TNK2: variants seen among roughly 807,000 people sequenced by gnomAD.
TNK2 encodes tyrosine kinase non receptor 2, also known as activated CDC42 kinase 1.
A neutral mutation model predicts 101.8 loss-of-function variants in TNK2; 83 were observed. The ratio of observed to expected loss-of-function variants is 0.82; its 90% CI spans 0.68 to 0.98. The LOEUF is 0.98. TNK2 is among the 50% of genes least tolerant of loss of function. The pLI is 0.00. For missense variants in TNK2, 1,665 were observed against 1,483.2 expected, an observed-to-expected ratio of 1.12 and a Z score of -2.01; for synonymous variants, 804 against 633.0, an observed-to-expected ratio of 1.27 and a Z score of -4.06.
rs1300770750 is a variant in TNK2, at chr3:195,878,514, C to A, written c.1093G>T (p.Val365Phe). 1 of 1,613,884 alleles carries A rather than the reference C, an allele frequency of 6.2e-7. No individual in the cohort carries two copies. Among genetic ancestry groups the A allele is most frequent in the Non-Finnish European group, 8.5e-7 (1 of 1,180,044 alleles). The change falls in exon 8 of 16, where the codon GTC becomes TTC. Residue 365 changes from valine (V) to phenylalanine (F), a missense_variant. Physicochemically the swap from Val to Phe is conservative, Grantham distance 50. Transcript: ENST00000672887. This position sits in a 1 kb window ranked among gnomAD's most constrained non-coding sequence, Gnocchi z 4.7. ...DCPQDIYNVM[V>F]QCWAHKPEDR... ...TCTGGCTTGTGAGCCCAGCACTGGA[C>A]CATGACGTTGTAGATGTCCTGGGGA... is the stretch of plus-strand genomic sequence containing the variant.
In TNK2 at chr3:195,868,051, G is replaced by T; in HGVS notation, c.2247C>A (p.Asp749Glu). 1 of 1,598,744 alleles carries T rather than the reference G, an allele frequency of 6.3e-7. No individual in the cohort carries two copies. The change falls in exon 13 of 16, where the codon GAC (aspartate) becomes GAA (glutamate). Residue 749 changes from aspartate (D) to glutamate (E), a missense_variant. By Grantham distance (45) the Asp-to-Glu change is conservative (BLOSUM62 2). Transcript: ENST00000672887. ...SPAPSPSPGG[D>E]DKPQVPPRVP... is the part of the protein sequence containing the mutation. Reference sequence around the variant, plus strand: ...CCCGAGGAGGCACCTGGGGCTTGTCGTCACCCCCCGGGCTGGGAGAGGGGG... The same window carrying T: ...CCCGAGGAGGCACCTGGGGCTTGTCTTCACCCCCCGGGCTGGGAGAGGGGG...
chr3:195,866,982 C>T lies in TNK2; in HGVS notation c.3068G>A (p.Arg1023Lys). The T allele has an allele frequency of 6.2e-7, 1 of 1,613,176 alleles. No individual in the cohort carries two copies. The highest frequency in any genetic ancestry group is 1.3e-5 in the African/African-American group (1 of 75,050). Residue 1023 changes from arginine to lysine, a missense_variant, in exon 15 of 16, where the codon AGA becomes AAA. Physicochemically the swap from Arg to Lys is conservative, Grantham distance 26 (BLOSUM62 2). This residue lies in a region of TNK2 where 1,136 missense variants were observed against 894.9 expected (regional missense o/e 1.27). Transcript: ENST00000672887. ...CTCCAGCACTTTGTGGCACTCCCCT[C>T]TGGGCCGCAGACCCAGCCCGAAGAG... is the stretch of plus-strand genomic sequence containing the variant. ...EQLFGLGLRPRGECHKVLEMF... is the reference protein window; with the variant it reads ...EQLFGLGLRPKGECHKVLEMF...
Position 195,885,109 on chromosome 3 carries a change from C to T in TNK2, c.235-76G>A. 2 of 1,410,342 alleles carry T rather than the reference C, an allele frequency of 1.4e-6. No individual in the cohort carries two copies. The highest frequency in any genetic ancestry group is 1.9e-6 in the Non-Finnish European group (2 of 1,045,862). The allele number at this position is 1,410,342 out of a possible 1,614,324, so 87.4% of individuals were successfully genotyped here. On this transcript the variant is annotated intron_variant, in intron 3 of 15. Coordinates refer to ENST00000672887, the MANE Select transcript of TNK2 (RefSeq NM_001382273.1). This position sits in a 1 kb window ranked among gnomAD's most constrained non-coding sequence, Gnocchi z 4.7. ...TCACTCAGTCCCACCCCGCTGGGTC[C>T]ACCTGGTGATCCCCGGCTTCGGCTT...
At chr3:195,871,788 T>TA in intron 10 of TNK2, among the ~76,000 whole-genome samples, 1 of 152,340 alleles carries the variant, frequency 6.6e-6, no homozygotes. Flanking sequence ...AGAGTGCATT[T>TA]ACAGCCTTCC....
intron 11 of TNK2, 65 bp downstream of exon 11, chr3:195,870,049 G>A (rs1026733957): frequency 2.4e-6 from 3 of 1,261,676 alleles, no homozygotes; most frequent in Admixed American, 5.9e-5. Flanking sequence ...GGTGGCCTGT[G>A]AAGACAGTGC....
At chr3:195,902,608 A>AC (rs1761316219) in intron 1 of TNK2, among the ~76,000 whole-genome samples, 1 of 136,442 alleles carries the variant, frequency 7.3e-6, no homozygotes, top group Admixed American at 7.7e-5. Flanking sequence ...ACAGAGCAAG[A>AC]CTCCGTCTCA....
Position 195,868,115 on chromosome 3 carries a change from T to G in TNK2, c.2183A>C (p.Glu728Ala). ...TAEIFQALQQ[E>A]CMRQLQAPAG... ...CGGAGCCTGCAGTTGCCTCATGCAC[T>G]CCTGCTGTAGCGCCTGGAAGATCTC... is the stretch of plus-strand genomic sequence containing the variant. Residue 728 changes from glutamate to alanine, a missense_variant, in exon 13 of 16, where the codon GAG becomes GCG. Glu to Ala is a moderately radical substitution (Grantham distance 107, BLOSUM62 -1). Around this residue, in one of 3 missense-constraint regions of TNK2, gnomAD observed 1,136 missense variants for 894.9 expected, o/e 1.27. Transcript: ENST00000672887. The G allele has an allele frequency of 6.2e-7, 1 of 1,611,500 alleles. No homozygotes were observed. Among genetic ancestry groups the G allele is most frequent in the Non-Finnish European group, 8.5e-7 (1 of 1,179,454 alleles).
At chr3:195,905,939 G>A (rs542771532) in intron 1 of TNK2, among the ~76,000 whole-genome samples, 8 of 152,162 alleles carry the variant, frequency 5.3e-5, no homozygotes, top group Admixed American at 2.0e-4. Flanking sequence ...CTGATAAAAG[G>A]CTTATATCCA....
chr3:195,892,028 G>A (rs1327748053), intron 1 of TNK2: 3 of 1,033,158 alleles, frequency 2.9e-6, no homozygotes, highest in Non-Finnish European at 3.5e-6. Context: ...AAGCGGTCAG[G>A]GTCTCAGTCC....
rs749781435 is a variant in TNK2 at position 195,883,317 on chromosome 3, G to C, written c.457-8C>G. 172 of 1,612,578 alleles carry C rather than the reference G, an allele frequency of 1.1e-4. No individual in the cohort carries two copies. Among genetic ancestry groups the C allele is most frequent in the Non-Finnish European group, 1.4e-4 (166 of 1,179,938 alleles). On this transcript the variant is annotated splice_region_variant and splice_polypyrimidine_tract_variant and intron_variant, in intron 4 of 15. Coordinates refer to ENST00000672887, the MANE Select transcript of TNK2 (RefSeq NM_001382273.1). The stretch of plus-strand genomic sequence containing the variant: ...CTTCACAGCCACACTCACCTGCCCA[G>C]AGCGGGATTTGCAAGGACTCAGGAC...
intron 12 of TNK2, 120 bp from the exon 13 acceptor site, chr3:195,868,829 C>T (rs1742747536): frequency 7.9e-7 from 1 of 1,261,692 alleles, no homozygotes; most frequent in Non-Finnish European, 1.1e-6. Context: ...TCCCAACTCC[C>T]CCCGAGGTCT....
intron 10 of TNK2, among the ~76,000 whole-genome samples, chr3:195,870,571 TCCCAGCTATGGTG>T (rs1308489239): frequency 6.6e-6 from 1 of 152,212 alleles, no homozygotes; most frequent in Non-Finnish European, 1.5e-5. Flanking sequence ...GAACGGGGCA[TCCCAGCTATGGTG>T]CCCAGCCAGG....
At chr3:195,889,505 C>A (rs75861841) in intron 1 of TNK2, among the ~76,000 whole-genome samples, 1 of 151,870 alleles carries the variant, frequency 6.6e-6, no homozygotes, top group Admixed American at 6.6e-5. Context: ...GCTTCAGACT[C>A]TGTTGTCCCT....
chr3:195,883,575 A>G, intron 4 of TNK2: 1 of 447,060 alleles, frequency 2.2e-6, no homozygotes, highest in Non-Finnish European at 4.1e-6. Context: ...CCAAAAAGTA[A>G]GAGATAACCA....
At chr3:195,864,905 TAAG>T (rs1485932389) in intron 15 of TNK2, among the ~76,000 whole-genome samples, 2 of 123,924 alleles carry the variant, frequency 1.6e-5, no homozygotes, top group African/African-American at 3.1e-5. Flanking sequence ...TGCAAATCAG[TAAG>T]AACCACCCGA....
At chr3:195,881,924 C>T in intron 6 of TNK2, 127 bp downstream of exon 6, 1 of 1,182,150 alleles carries the variant, frequency 8.5e-7, no homozygotes, top group South Asian at 1.6e-5. Context: ...AGGAGGGCAC[C>T]CCAGGCTTAG....
chr3:195,885,805 A>C lies in TNK2; in HGVS notation c.235-772T>G, dbSNP rs993792937. On this transcript the variant is annotated intron_variant, in intron 3 of 15. Transcript: ENST00000672887. The surrounding 1 kb of genome is among the most constrained non-coding windows in gnomAD (Gnocchi z 4.7). The stretch of plus-strand genomic sequence containing the variant: ...GCCACGTCGGTCTGACTCGGCCTCC[A>C]CTGAGGCACCCACAGCCTTGGCTCC... The C allele has an allele frequency of 1.2e-5, 4 of 341,846 alleles. No individual in the cohort carries two copies. Among genetic ancestry groups the C allele is most frequent in the African/African-American group, 8.6e-5 (4 of 46,298 alleles). 21.2% of individuals were successfully genotyped at this position (341,846 alleles called of 1,614,324 possible).
intron 2 of TNK2, 101 bp from the exon 3 acceptor site, chr3:195,887,148 G>A (rs1309081937): frequency 2.7e-5 from 31 of 1,163,332 alleles, no homozygotes; most frequent in African/African-American, 4.6e-5. Flanking sequence ...ACTAGACACC[G>A]CCCACCCGAT....
Position 195,868,514 on chromosome 3 carries a change from G to C in TNK2, c.1784C>G (p.Pro595Arg). 1 of 1,557,036 alleles carries C rather than the reference G, an allele frequency of 6.4e-7. No individual in the cohort carries two copies. Among genetic ancestry groups the C allele is most frequent in the Non-Finnish European group, 8.6e-7 (1 of 1,160,486 alleles). Residue 595 changes from proline to arginine, a missense_variant, in exon 13 of 16, where the codon CCG becomes CGG. Pro to Arg is a moderately radical substitution (Grantham distance 103, BLOSUM62 -2). Around this residue, in one of 3 missense-constraint regions of TNK2, gnomAD observed 1,136 missense variants for 894.9 expected, o/e 1.27. Transcript: ENST00000672887. The part of the protein sequence containing the change: ...LIDFGEEPVV[P>R]ALRPCAPSLA... ...GGAGGGCGCGCAGGGCCGTAGGGCC[G>C]GGACCACGGGCTCCTCACCGAAGTC...
Sources: gnomAD v4.1 joint callset for allele counts (sites outside exome capture counted in the v4.1 genomes callset) on GRCh38, gnomAD v4.1.1 for gene constraint, gnomAD v4.1.1 regional missense constraint, Gnocchi (gnomAD v3.1) non-coding constraint, MANE v1.5 for transcripts, NCBI Gene and HGNC (gene_info 2026-07-23, HGNC 2026-07-21) for gene names.